Variants in ZMYND11 observed in about 807,000 individuals in gnomAD.
The protein encoded by ZMYND11 is zinc finger MYND-type containing 11, also known as zinc finger MYND domain-containing protein 11.
In ZMYND11, 9 loss-of-function variants were observed where a neutral mutation model predicts 84.9. That is an observed-to-expected ratio of 0.11 (90% confidence interval 0.06 to 0.18). The LOEUF is 0.18. Among genes scored for constraint, ZMYND11 ranks in the 10% least tolerant of loss-of-function variants. ZMYND11 has a pLI of 1.00. For synonymous variants in ZMYND11, 250 were observed against 244.1 expected (o/e 1.02, Z -0.23); for missense variants, 409 against 761.0 (o/e 0.54, Z 5.44).
intron 1 of ZMYND11, among the ~76,000 whole-genome samples, chr10:172,182 C>T (rs181802686): frequency 1.3e-4 from 20 of 152,274 alleles, no homozygotes; most frequent in Middle Eastern, 3.4e-3. Context: ...CTCGTAATGC[C>T]GTCACCTTGG....
intron 6 of ZMYND11, among the ~76,000 whole-genome samples, chr10:238,636 G>A (rs536268621): frequency 9.4e-4 from 143 of 152,308 alleles, no homozygotes; most frequent in Non-Finnish European, 1.8e-3. Flanking sequence ...GATTACAGGC[G>A]TGAGCCACCG....
At chr10:232,109 TTA>T (rs1400251559) in intron 4 of ZMYND11, among the ~76,000 whole-genome samples, 2 of 152,236 alleles carry the variant, frequency 1.3e-5, no homozygotes, top group African/African-American at 2.4e-5. Context: ...AGCATTGTTT[TTA>T]TGTTTTTCTG....
At chr10:230,464 C>G (rs1227515767) in intron 4 of ZMYND11, among the ~76,000 whole-genome samples, 2 of 91,188 alleles carry the variant, frequency 2.2e-5, no homozygotes, top group Non-Finnish European at 3.9e-5. Context: ...CAGAGTGAGA[C>G]TCAGTCTCAA....
intron 2 of ZMYND11, among the ~76,000 whole-genome samples, chr10:208,565 G>A (rs1944604655): frequency 6.6e-6 from 1 of 152,214 alleles, no homozygotes. Flanking sequence ...TAAGGGTGAT[G>A]TTTATATATT....
intron 2 of ZMYND11, among the ~76,000 whole-genome samples, chr10:183,781 C>T (rs952725937): frequency 1.2e-4 from 18 of 152,158 alleles, no homozygotes; most frequent in Admixed American, 5.9e-4. Context: ...CTTATTGATG[C>T]TATCTTTGAC....
At chr10:242,000 G>T (rs751112881) in intron 9 of ZMYND11, 21 bp from the exon 10 acceptor site, 10 of 1,612,886 alleles carry the variant, frequency 6.2e-6, no homozygotes, top group Non-Finnish European at 7.6e-6. Context: ...AATATAACAA[G>T]GTAAAACATT....
chr10:243,407 C>G (rs1951447518), intron 10 of ZMYND11, among the ~76,000 whole-genome samples: 2 of 152,114 alleles, frequency 1.3e-5, no homozygotes, highest in Non-Finnish European at 2.9e-5. Flanking sequence ...TATAGCCATA[C>G]TAATAGGTAA....
Position 180,040 on chromosome 10 carries a change from G to A in ZMYND11, c.28G>A (p.Ala10Thr), listed in dbSNP as rs374390518. 6.2e-7 allele frequency: 1 copy of A among 1,613,440 alleles called. No homozygotes were observed. The highest frequency in any genetic ancestry group is 8.5e-7 in the Non-Finnish European group (1 of 1,179,714). The change falls in exon 2 of 15, where the codon GCG becomes ACG. Residue 10 changes from alanine to threonine, a missense_variant. Physicochemically the swap from Ala to Thr is moderately conservative, Grantham distance 58. Around this residue, in one of 7 missense-constraint regions of ZMYND11, gnomAD observed 73 missense variants for 185.8 expected, o/e 0.39. Transcript: ENST00000381604. ...GGCACGTTTAACAAAAAGACGACAG[G>A]CGGATACAAAAGCTATCCAGCATCT... MARLTKRRQADTKAIQHLWA... is the reference protein window; with the variant it reads MARLTKRRQTDTKAIQHLWA...
intron 4 of ZMYND11, among the ~76,000 whole-genome samples, chr10:230,997 G>T (rs181862590): frequency 4.6e-5 from 7 of 152,214 alleles, no homozygotes; most frequent in Admixed American, 2.0e-4. Flanking sequence ...TGACTTTTAC[G>T]TTTTCAGATT....
At position 249,544 on chromosome 10, in the gene ZMYND11, T is replaced by G; in HGVS notation, c.1686+456T>G. On this transcript the variant is annotated intron_variant, in intron 14 of 14. Coordinates refer to ENST00000381604, the MANE Select transcript of ZMYND11 (RefSeq NM_001370100.5). Reference sequence around the variant, plus strand: ...TGTTAAAGAAATCAGTTACTTTTACTTTATAGTAGTGACATCTCATTGGTC... The same window carrying G: ...TGTTAAAGAAATCAGTTACTTTTACGTTATAGTAGTGACATCTCATTGGTC... The G allele has an allele frequency of 3.0e-6, 3 of 985,012 alleles. No homozygotes were observed. In the South Asian group the frequency reaches 1.4e-4, roughly 46 times the overall value. 61.0% of individuals were successfully genotyped at this position (985,012 alleles called of 1,614,324 possible).
chr10:143,731 C>A (rs946106091), intron 1 of ZMYND11, among the ~76,000 whole-genome samples: 1 of 152,150 alleles, frequency 6.6e-6, no homozygotes, highest in African/African-American at 2.4e-5. Context: ...TACCAGAGAT[C>A]TTTTATTTCA....
chr10:175,085 A>G (rs1846297927), intron 1 of ZMYND11, among the ~76,000 whole-genome samples: 2 of 152,172 alleles, frequency 1.3e-5, no homozygotes, highest in Non-Finnish European at 2.9e-5. Flanking sequence ...GTGAACCCTA[A>G]TGTATACTGT....
At chr10:222,426 C>T (rs894481033) in intron 4 of ZMYND11, among the ~76,000 whole-genome samples, 3 of 152,132 alleles carry the variant, frequency 2.0e-5, no homozygotes, top group Non-Finnish European at 4.4e-5. Flanking sequence ...TGACTTGCCA[C>T]TCAAATGCCT....
intron 1 of ZMYND11, among the ~76,000 whole-genome samples, chr10:170,380 C>G (rs778983077): frequency 3.6e-4 from 55 of 151,720 alleles, no homozygotes; most frequent in Non-Finnish European, 6.9e-4. Flanking sequence ...TTCCTACTAA[C>G]AGATAATTTT....
At chr10:246,627 A>G (rs1952216023) in intron 10 of ZMYND11, 139 bp from the exon 11 acceptor site, 1 of 739,728 alleles carries the variant, frequency 1.4e-6, no homozygotes, top group African/African-American at 1.8e-5. Flanking sequence ...AGAACCCACA[A>G]TTGCTTTTGC....
At chr10:170,166 G>A (rs1023631454) in intron 1 of ZMYND11, among the ~76,000 whole-genome samples, 2 of 152,046 alleles carry the variant, frequency 1.3e-5, no homozygotes, top group African/African-American at 4.8e-5. Context: ...CTAGGATTCT[G>A]TGTCCAGCAA....
intron 1 of ZMYND11, among the ~76,000 whole-genome samples, chr10:159,144 G>A (rs1376371942): frequency 5.7e-5 from 8 of 139,224 alleles, no homozygotes; most frequent in Non-Finnish European, 7.7e-5. Context: ...ATAGCTGACT[G>A]TACTCCACTG....
intron 1 of ZMYND11, among the ~76,000 whole-genome samples, chr10:163,798 G>C (rs553459992): frequency 6.6e-6 from 1 of 152,190 alleles, no homozygotes; most frequent in Admixed American, 6.5e-5. Flanking sequence ...TAGAAAGCTA[G>C]TGTGAACAGT....
At chr10:201,585 T>TACACACAC (rs56058145) in intron 2 of ZMYND11, among the ~76,000 whole-genome samples, 35,936 of 145,982 alleles carry the variant, frequency 0.25, 5,385 homozygotes, top group Non-Finnish European at 0.34. Flanking sequence ...TACCATGAAA[T>TACACACAC]ACACACACAC....
Sources: allele counts gnomAD v4.1 joint callset (sites outside exome capture counted in the v4.1 genomes callset), GRCh38; gene constraint gnomAD v4.1.1; regional missense constraint gnomAD v4.1.1; transcripts MANE v1.5; gene names NCBI Gene and HGNC (gene_info 2026-07-23, HGNC 2026-07-21).